The following ATP8A1 variants were observed in gnomAD, a reference collection of about 807,000 sequenced individuals.
ATP8A1 encodes the protein ATPase phospholipid transporting 8A1.
A neutral mutation model predicts 177.7 loss-of-function variants in ATP8A1; 90 were observed. That is an observed-to-expected ratio of 0.51 (90% CI 0.43 to 0.60). ATP8A1 has a LOEUF of 0.60. Ranked by LOEUF, ATP8A1 falls within the 20% of genes least tolerant of loss-of-function variation. The pLI, the probability that ATP8A1 is intolerant of heterozygous loss-of-function variation, is 0.00. For synonymous variants in ATP8A1, 493 were observed against 485.9 expected, an observed-to-expected ratio of 1.01 and a Z score of -0.19; for missense variants, 1,072 against 1,392.8, an observed-to-expected ratio of 0.77 and a Z score of 3.67.
intron 24 of ATP8A1, among the ~76,000 whole-genome samples, chr4:42,493,262 A>T (rs1337194620): frequency 6.6e-6 from 1 of 152,230 alleles, no homozygotes; most frequent in Non-Finnish European, 1.5e-5. Flanking sequence ...TCAGAACTCC[A>T]GGTTTTCGTC....
chr4:42,580,244 T>C (rs1036797794), intron 10 of ATP8A1, among the ~76,000 whole-genome samples: 1 of 152,202 alleles, frequency 6.6e-6, no homozygotes, highest in African/African-American at 2.4e-5. Flanking sequence ...TTTGCAAAAA[T>C]AGCTTTTGCA....
chr4:42,623,069 C>T (rs1392105697), intron 4 of ATP8A1, among the ~76,000 whole-genome samples: 2 of 148,504 alleles, frequency 1.3e-5, no homozygotes, highest in Admixed American at 6.7e-5. Context: ...GGAAGACATA[C>T]ATGCGGCCAG....
intron 25 of ATP8A1, among the ~76,000 whole-genome samples, chr4:42,473,227 G>A (rs1251661132): frequency 2.0e-5 from 3 of 152,188 alleles, no homozygotes; most frequent in Non-Finnish European, 4.4e-5. Context: ...AACACAAGGA[G>A]AATAAAGCAG....
chr4:42,413,599 C>T (rs939782868), intron 36 of ATP8A1, among the ~76,000 whole-genome samples: 1 of 152,202 alleles, frequency 6.6e-6, no homozygotes, highest in South Asian at 2.1e-4. Flanking sequence ...AAAATCATTT[C>T]TAGATTACTT....
intron 18 of ATP8A1, among the ~76,000 whole-genome samples, chr4:42,549,654 G>GTGC (rs1297298771): frequency 6.6e-6 from 1 of 151,690 alleles, no homozygotes; most frequent in South Asian, 2.1e-4. Flanking sequence ...AAAATATCAG[G>GTGC]TGCGGTGGCA....
intron 1 of ATP8A1, among the ~76,000 whole-genome samples, chr4:42,627,367 G>A (rs1738222695): frequency 1.3e-5 from 2 of 152,286 alleles, no homozygotes; most frequent in African/African-American, 4.8e-5. Flanking sequence ...CCCCGTAAGT[G>A]TTCAACTTCT....
intron 20 of ATP8A1, among the ~76,000 whole-genome samples, chr4:42,530,523 CAT>C (rs1727158672): frequency 6.6e-6 from 1 of 152,148 alleles, no homozygotes; most frequent in African/African-American, 2.4e-5. Flanking sequence ...TGGGCTCATG[CAT>C]CCACTGTCAC....
At chr4:42,554,227 G>A (rs754312738) in intron 16 of ATP8A1, among the ~76,000 whole-genome samples, 35 of 152,208 alleles carry the variant, frequency 2.3e-4, no homozygotes, top group African/African-American at 6.3e-4. Context: ...CACAGAGTGG[G>A]TGCTGGCGGT....
chr4:42,524,818 C>G lies in ATP8A1; in HGVS notation c.1752G>C (p.Glu584Asp). The G allele has an allele frequency of 6.2e-7, 1 of 1,609,770 alleles. No homozygotes were observed. Reference sequence around the variant, plus strand: ...GGGTAATTTCTTTGTATTTTGACGTCTCTGCCAGTCGATCATAAATTACAG... The same window carrying G: ...GGGTAATTTCTTTGTATTTTGACGTGTCTGCCAGTCGATCATAAATTACAG... ...ADTVIYDRLAETSKYKEITLK... is the reference protein window; with the variant it reads ...ADTVIYDRLADTSKYKEITLK... Residue 584 changes from glutamate to aspartate, a missense_variant, in exon 21 of 37, where the codon GAG (glutamate) becomes GAC (aspartate). This residue lies in a region of ATP8A1 where 388 missense variants were observed against 471.7 expected (regional missense o/e 0.82). Transcript: ENST00000381668.
At chr4:42,513,412 T>C (rs1025516231) in intron 22 of ATP8A1, among the ~76,000 whole-genome samples, 2 of 152,148 alleles carry the variant, frequency 1.3e-5, no homozygotes, top group Non-Finnish European at 2.9e-5. Flanking sequence ...AACACAGGAA[T>C]GAGGTATCAT....
intron 25 of ATP8A1, among the ~76,000 whole-genome samples, chr4:42,474,988 A>G (rs1720889214): frequency 6.6e-6 from 1 of 152,220 alleles, no homozygotes; most frequent in Non-Finnish European, 1.5e-5. Context: ...CAATTATAAT[A>G]ACAATATAAT....
At chr4:42,414,574 T>C (rs1474996393) in intron 36 of ATP8A1, 53 bp downstream of exon 36, 1 of 1,447,392 alleles carries the variant, frequency 6.9e-7, no homozygotes. Context: ...ATAAATGCTA[T>C]GATACAGCAA....
chr4:42,503,686 A>G (rs902970556), intron 23 of ATP8A1, among the ~76,000 whole-genome samples, 172 bp from the exon 24 acceptor site: 6 of 152,312 alleles, frequency 3.9e-5, no homozygotes, highest in Admixed American at 2.6e-4. Context: ...CTTGCTTGCC[A>G]TAGGAGGGAT....
rs1005839892 is a variant in ATP8A1 at position 42,409,808 on chromosome 4, C to T, written c.*3108G>A. Reference sequence around the variant, plus strand: ...GCAAAACAAATTATCATGTGACTTTCACATTGGATATTTAGAATGCTGAAC... The same window carrying T: ...GCAAAACAAATTATCATGTGACTTTTACATTGGATATTTAGAATGCTGAAC... On this transcript the variant is annotated 3_prime_UTR_variant, in exon 37 of 37. Transcript: ENST00000381668. 6.6e-6 allele frequency: 1 copy of T among 152,102 alleles called. No individual in the cohort carries two copies. The highest frequency in any genetic ancestry group is 2.4e-5 in the African/African-American group (1 of 41,426). The allele number at this position is 152,102 out of a possible 1,614,324, so 9.4% of individuals were successfully genotyped here. A position where few individuals can be genotyped will look rare whatever the true frequency, so the allele number is the denominator to read the frequency against.
intron 16 of ATP8A1, among the ~76,000 whole-genome samples, chr4:42,553,493 T>C (rs1729721146): frequency 6.6e-6 from 1 of 152,218 alleles, no homozygotes; most frequent in Admixed American, 6.5e-5. Flanking sequence ...GTATCCTTTC[T>C]GCACGGAGCT....
At chr4:42,530,201 C>T (rs1358388916) in intron 20 of ATP8A1, among the ~76,000 whole-genome samples, 2 of 152,286 alleles carry the variant, frequency 1.3e-5, no homozygotes, top group African/African-American at 4.8e-5. Context: ...ATGGGCTCAG[C>T]AACATGGACT....
At chr4:42,647,374 A>C (rs1272954013) in intron 1 of ATP8A1, among the ~76,000 whole-genome samples, 1 of 152,218 alleles carries the variant, frequency 6.6e-6, no homozygotes, top group Admixed American at 6.5e-5. Context: ...AGTCACATGT[A>C]GCTACTGAGC....
chr4:42,633,005 CA>C (rs932309826), intron 1 of ATP8A1, among the ~76,000 whole-genome samples: 5 of 152,140 alleles, frequency 3.3e-5, no homozygotes, highest in Non-Finnish European at 5.9e-5. Context: ...TTCTGAAAAA[CA>C]AAGTAAAAAA....
Position 42,423,710 on chromosome 4 carries a change from G to GTAAA in ATP8A1, c.3124-9_3124-6dup. ...AGAACTGAACAACATGGCTGCCTGT[G>GTAAA]TAAATCGTCAGAAAAAACATTACTT... is the stretch of plus-strand genomic sequence containing the variant. On this transcript the variant is annotated splice_polypyrimidine_tract_variant and splice_region_variant and intron_variant, in intron 33 of 36. Coordinates refer to ENST00000381668, the MANE Select transcript of ATP8A1 (RefSeq NM_006095.2). 1 of 1,606,614 alleles carries GTAAA rather than the reference G, an allele frequency of 6.2e-7. No homozygotes were observed. The highest frequency in any genetic ancestry group is 8.5e-7 in the Non-Finnish European group (1 of 1,175,894).
Sources: allele counts gnomAD v4.1 joint callset (sites outside exome capture counted in the v4.1 genomes callset), GRCh38; gene constraint gnomAD v4.1.1; regional missense constraint gnomAD v4.1.1; transcripts MANE v1.5; gene names NCBI Gene and HGNC (gene_info 2026-07-23, HGNC 2026-07-21).